HECTD2: variants seen among roughly 807,000 people sequenced by gnomAD.
HECTD2 encodes HECT domain E3 ubiquitin protein ligase 2.
A neutral mutation model predicts 103.2 loss-of-function variants in HECTD2; 35 were observed. The ratio of observed to expected loss-of-function variants is 0.34; its 90% confidence interval spans 0.26 to 0.45. The LOEUF (loss-of-function observed/expected upper bound fraction) is 0.45. HECTD2 is among the 20% of genes least tolerant of loss of function. The pLI is 1.00. For synonymous variants in HECTD2, 281 were observed against 329.9 expected, an observed-to-expected ratio of 0.85 and a Z score of 1.61; for missense variants, 596 against 937.4, an observed-to-expected ratio of 0.64 and a Z score of 4.76.
intron 1 of HECTD2, among the ~76,000 whole-genome samples, chr10:91,412,692 G>GTATT (rs750411426): frequency 1.3e-4 from 19 of 151,646 alleles, no homozygotes; most frequent in Non-Finnish European, 2.5e-4. Flanking sequence ...GTGTGTGTGT[G>GTATT]TGTATTTGTC....
intron 20 of HECTD2, among the ~76,000 whole-genome samples, chr10:91,509,152 A>T (rs939594730): frequency 4.7e-5 from 7 of 149,572 alleles, no homozygotes; most frequent in Non-Finnish European, 1.0e-4. Flanking sequence ...GAGGGATAGC[A>T]CTGGGAGATA....
intron 5 of HECTD2, among the ~76,000 whole-genome samples, chr10:91,474,500 A>G (rs1018790797): frequency 5.9e-5 from 9 of 152,310 alleles, no homozygotes; most frequent in Non-Finnish European, 1.3e-4. Context: ...AGGAAAGTAA[A>G]TACTACAGAT....
chr10:91,433,770 T>G (rs1843997221), intron 2 of HECTD2, among the ~76,000 whole-genome samples: 1 of 151,932 alleles, frequency 6.6e-6, no homozygotes, highest in African/African-American at 2.4e-5. Context: ...ATCCATCTGT[T>G]TGTTTCCAGG....
chr10:91,508,753 A>G (rs1489091412), intron 20 of HECTD2, among the ~76,000 whole-genome samples: 24 of 151,268 alleles, frequency 1.6e-4, no homozygotes, highest in Admixed American at 1.4e-3. Context: ...ATACCATTTG[A>G]CCCAGCCATC....
At chr10:91,475,296 T>C (rs1845863315) in intron 5 of HECTD2, among the ~76,000 whole-genome samples, 2 of 152,196 alleles carry the variant, frequency 1.3e-5, no homozygotes, top group South Asian at 4.1e-4. Flanking sequence ...TCATATATTA[T>C]GGAGTAGAGC....
In HECTD2 at chr10:91,483,933, C is replaced by G. The variant is rs140186441; in HGVS notation, c.822-574C>G. 3.2e-3 allele frequency among the ~76,000 whole-genome samples: 488 copies of G among 152,048 alleles called. 3 individuals are homozygous for G. Among genetic ancestry groups the G allele is most frequent in the Middle Eastern group, 6.8e-3 (2 of 294 alleles). On this transcript the variant is annotated intron_variant, in intron 8 of 20. Coordinates refer to ENST00000298068, the MANE Select transcript of HECTD2 (RefSeq NM_182765.6). ...CATATTTTCTCTGTAGGGCACATCA[C>G]AACCTTCTTGTTAGGAACACTAGAC...
At chr10:91,451,795 AGAAG>A (rs1305381571) in intron 2 of HECTD2, among the ~76,000 whole-genome samples, 1 of 152,160 alleles carries the variant, frequency 6.6e-6, no homozygotes, top group Admixed American at 6.6e-5. Context: ...GGGTAGGTAA[AGAAG>A]GAAGGAAGAC....
chr10:91,460,364 G>T (rs1359257921), intron 2 of HECTD2, 63 bp from the exon 3 acceptor site: 2 of 1,247,608 alleles, frequency 1.6e-6, no homozygotes, highest in East Asian at 2.4e-5. Flanking sequence ...AATTAATCTT[G>T]TATTTTATAA....
intron 1 of HECTD2, among the ~76,000 whole-genome samples, chr10:91,418,052 G>A (rs139653225): frequency 3.0e-3 from 453 of 151,952 alleles, no homozygotes; most frequent in African/African-American, 0.011. Context: ...TTTAATGATC[G>A]CCAATGAATG....
At chr10:91,497,074 C>T (rs1476691629) in intron 15 of HECTD2, among the ~76,000 whole-genome samples, 1 of 150,632 alleles carries the variant, frequency 6.6e-6, no homozygotes, top group African/African-American at 2.4e-5. Flanking sequence ...ATTCTCGTGC[C>T]TCAGCCTCCT....
In HECTD2 at chr10:91,495,735, AT is replaced by A. The variant is rs562869524; in HGVS notation, c.1522-478del. Among the ~76,000 whole-genome samples, 434 of 152,206 alleles carry A rather than the reference AT, an allele frequency of 2.9e-3. 1 individual carries two copies. The highest frequency in any genetic ancestry group is 4.5e-3 in the Admixed American group (68 of 15,278). On this transcript the variant is annotated intron_variant, in intron 14 of 20. Coordinates refer to ENST00000298068, the MANE Select transcript of HECTD2 (RefSeq NM_182765.6). Reference sequence around the variant, plus strand: ...ATTAGCTTATCAATAGCATGTTTATATCCATATGTTTATTCAGTTTAGCTCT... The same window carrying A: ...ATTAGCTTATCAATAGCATGTTTATACCATATGTTTATTCAGTTTAGCTCT...
At chr10:91,490,890 CAA>C (rs61035151) in intron 11 of HECTD2, among the ~76,000 whole-genome samples, 64 of 13,560 alleles carry the variant, frequency 4.7e-3, no homozygotes, top group African/African-American at 0.012. Flanking sequence ...GACTCCGTCT[CAA>C]AAAAAAAAAA....
At chr10:91,497,621 T>G (rs1001899508) in intron 15 of HECTD2, among the ~76,000 whole-genome samples, 1 of 152,098 alleles carries the variant, frequency 6.6e-6, no homozygotes, top group Non-Finnish European at 1.5e-5. Context: ...CCAGAAAATG[T>G]TTCTTTCAGT....
intron 2 of HECTD2, among the ~76,000 whole-genome samples, chr10:91,452,188 G>A (rs553045858): frequency 3.3e-5 from 5 of 152,190 alleles, no homozygotes; most frequent in Non-Finnish European, 7.4e-5. Flanking sequence ...AGTCCCAGAA[G>A]GAGAGGAAAA....
intron 20 of HECTD2, among the ~76,000 whole-genome samples, chr10:91,501,949 T>A (rs1162681254): frequency 1.3e-5 from 2 of 152,144 alleles, no homozygotes; most frequent in African/African-American, 2.4e-5. Context: ...ATAATCATTT[T>A]TGTCTCCTGC....
chr10:91,467,361 A>C (rs1210640110), intron 5 of HECTD2, among the ~76,000 whole-genome samples: 1 of 152,240 alleles, frequency 6.6e-6, no homozygotes, highest in East Asian at 1.9e-4. Flanking sequence ...CCCATCCCTC[A>C]AGGCTCACTG....
At chr10:91,426,541 TTC>T (rs983588802) in intron 2 of HECTD2, among the ~76,000 whole-genome samples, 7 of 150,450 alleles carry the variant, frequency 4.7e-5, no homozygotes, top group African/African-American at 1.7e-4. Flanking sequence ...CTTTGATAAC[TTC>T]TTTCTTTTAT....
chr10:91,501,113 T>C, intron 19 of HECTD2, 78 bp from the exon 20 acceptor site: 2 of 1,288,310 alleles, frequency 1.6e-6, no homozygotes, highest in Non-Finnish European at 2.2e-6. Flanking sequence ...AGTCCTTTCC[T>C]TAGAGCTTCC....
intron 8 of HECTD2, among the ~76,000 whole-genome samples, chr10:91,483,517 A>G (rs997343143): frequency 4.6e-5 from 7 of 152,008 alleles, no homozygotes; most frequent in African/African-American, 1.7e-4. Context: ...CTAGCCATCA[A>G]TATCAATTTG....
Sources: allele counts gnomAD v4.1 joint callset (sites outside exome capture counted in the v4.1 genomes callset), GRCh38; gene constraint gnomAD v4.1.1; transcripts MANE v1.5; gene names NCBI Gene and HGNC (gene_info 2026-07-23, HGNC 2026-07-21).